SH2D5: variants seen among roughly 807,000 people sequenced by gnomAD.
The protein encoded by SH2D5 is SH2 domain-containing protein 5.
Under a neutral mutation model 48.2 loss-of-function variants are expected in SH2D5, and 45 were observed. That is an observed-to-expected ratio of 0.93 (90% CI 0.73 to 1.20). SH2D5 has a LOEUF of 1.20. Among genes scored for constraint, SH2D5 ranks in the 50% most tolerant of loss-of-function variants. The pLI is 0.00. For missense variants in SH2D5, 538 were observed against 584.1 expected (o/e 0.92, Z 0.81); for synonymous variants, 230 against 249.8 (o/e 0.92, Z 0.75).
At chr1:20,727,889 C>G in intron 2 of SH2D5, 69 bp downstream of exon 2, 1 of 1,259,758 alleles carries the variant, frequency 7.9e-7, no homozygotes, top group East Asian at 2.5e-5. Context: ...GCAGCACTTC[C>G]CAATCACCAG....
intron 5 of SH2D5, among the ~76,000 whole-genome samples, chr1:20,725,095 C>T (rs2054769712): frequency 6.6e-6 from 1 of 152,242 alleles, no homozygotes; most frequent in Non-Finnish European, 1.5e-5. Context: ...CTCATCCCCA[C>T]CTCCCTGTGC....
At chr1:20,727,154 CA>C in intron 3 of SH2D5, 79 bp from the exon 4 acceptor site, 1 of 1,272,692 alleles carries the variant, frequency 7.9e-7, no homozygotes, top group Non-Finnish European at 1.1e-6. Context: ...GACCATCCAC[CA>C]AAGGCTGGTC....
In SH2D5 at chr1:20,729,490, G is replaced by A. The variant is rs770425149; in HGVS notation, c.-42-1404C>T. 2.0e-5 allele frequency among the ~76,000 whole-genome samples: 3 copies of A among 152,174 alleles called. No homozygotes were observed. The highest frequency in any genetic ancestry group is 2.9e-5 in the Non-Finnish European group (2 of 68,022). The stretch of plus-strand genomic sequence containing the variant: ...ATGGGGACAGAATGGAGGAGGCAGC[G>A]CCCAGCCCGACGCCAGCCAGGCTTG... On this transcript the variant is annotated intron_variant, in intron 1 of 9. Coordinates refer to ENST00000444387, the MANE Select transcript of SH2D5 (RefSeq NM_001103161.2). This position sits in a 1 kb window ranked among gnomAD's most constrained non-coding sequence, Gnocchi z 4.2.
At chr1:20,726,136 A>G in intron 4 of SH2D5, 70 bp from the exon 5 acceptor site, 1 of 1,493,974 alleles carries the variant, frequency 6.7e-7, no homozygotes, top group Non-Finnish European at 9.0e-7. Flanking sequence ...GCCAGCCTGC[A>G]GGGGTGAAGA....
At chr1:20,723,866 G>A (rs889940018) in intron 7 of SH2D5, 132 bp from the exon 8 acceptor site, 3 of 972,280 alleles carry the variant, frequency 3.1e-6, no homozygotes, top group African/African-American at 3.3e-5. Flanking sequence ...ATCTGCACAC[G>A]GGCCTTCCGC....
chr1:20,728,424 T>G lies in SH2D5; in HGVS notation c.-42-338A>C, dbSNP rs1359643702. Among the ~76,000 whole-genome samples the G allele has an allele frequency of 3.3e-5, 5 of 151,888 alleles. No individual in the cohort carries two copies. The highest frequency in any genetic ancestry group is 7.4e-5 in the Non-Finnish European group (5 of 67,956). On this transcript the variant is annotated intron_variant, in intron 1 of 9. Coordinates refer to ENST00000444387, the MANE Select transcript of SH2D5 (RefSeq NM_001103161.2). The surrounding 1 kb of genome is among the most constrained non-coding windows in gnomAD (Gnocchi z 4.3). Reference sequence around the variant, plus strand: ...CCTCACTGAGGAGGGGAGGTCTGGGTCAAGATCTGAAGGGTGTGGCGGTAC... The same window carrying G: ...CCTCACTGAGGAGGGGAGGTCTGGGGCAAGATCTGAAGGGTGTGGCGGTAC...
chr1:20,722,614 G>C (rs2054708282), intron 9 of SH2D5, 142 bp downstream of exon 9: 1 of 864,406 alleles, frequency 1.2e-6, no homozygotes, highest in Admixed American at 3.4e-5. Flanking sequence ...GAGGGGCGAG[G>C]CCAGGGAGAG....
intron 9 of SH2D5, 94 bp downstream of exon 9, chr1:20,722,662 G>T: frequency 7.9e-7 from 1 of 1,266,074 alleles, no homozygotes; most frequent in Non-Finnish European, 1.0e-6. Context: ...GCACATTCAG[G>T]ACCTCAGCAG....
At chr1:20,723,813 G>T (rs1006515645) in intron 7 of SH2D5, 79 bp from the exon 8 acceptor site, 10 of 1,232,692 alleles carry the variant, frequency 8.1e-6, no homozygotes, top group Non-Finnish European at 1.2e-5. Context: ...CATCACCCAG[G>T]GTGGTGTCCT....
intron 2 of SH2D5, 62 bp downstream of exon 2, chr1:20,727,896 C>G: frequency 7.7e-7 from 1 of 1,302,624 alleles, no homozygotes; most frequent in East Asian, 2.5e-5. Flanking sequence ...TTCCCAATCA[C>G]CAGCGCCTGC....
rs754290152 is a variant in SH2D5, at chr1:20,722,755, C to A, written c.1068+1G>T. 6 of 1,492,296 alleles carry A rather than the reference C, an allele frequency of 4.0e-6. No individual in the cohort carries two copies. In the Admixed American group the frequency reaches 6.4e-5, roughly 16 times the overall value. The allele number at this position is 1,492,296 out of a possible 1,614,324, so 92.4% of individuals were successfully genotyped here. A position where few individuals can be genotyped will look rare whatever the true frequency, so the allele number is the denominator to read the frequency against. On this transcript the variant is annotated splice_donor_variant, in intron 9 of 9. Coordinates refer to ENST00000444387, the MANE Select transcript of SH2D5 (RefSeq NM_001103161.2). LOFTEE classifies it high-confidence loss of function. Reference sequence around the variant, plus strand: ...GGCCCCTCTGGCTGCTGCGCTCTTACCTCCAAGCAGTAGCGGCCCAGGTGG... The same window carrying A: ...GGCCCCTCTGGCTGCTGCGCTCTTAACTCCAAGCAGTAGCGGCCCAGGTGG...
chr1:20,725,696 C>CGT (rs1557617440), intron 5 of SH2D5, among the ~76,000 whole-genome samples: 2 of 152,224 alleles, frequency 1.3e-5, no homozygotes, highest in Non-Finnish European at 2.9e-5. Flanking sequence ...TCTCTAAGCG[C>CGT]GTGGCCAGAT....
At chr1:20,727,127 G>A (rs1417281296) in intron 3 of SH2D5, 52 bp from the exon 4 acceptor site, 3 of 1,490,172 alleles carry the variant, frequency 2.0e-6, no homozygotes, top group Non-Finnish European at 2.8e-6. Flanking sequence ...ACCCTGCCTT[G>A]GCCTGCCCAG....
intron 1 of SH2D5, among the ~76,000 whole-genome samples, chr1:20,730,001 T>C (rs1347733249): frequency 6.6e-6 from 1 of 152,236 alleles, no homozygotes; most frequent in Non-Finnish European, 1.5e-5. Context: ...CAAAGTTACA[T>C]GTGCAACCGG....
chr1:20,730,743 G>C (rs1180189300), intron 1 of SH2D5: 1 of 152,492 alleles, frequency 6.6e-6, no homozygotes, highest in Non-Finnish European at 1.5e-5. Context: ...CTTTGGGGCA[G>C]ACCTGCTTTT....
At position 20,727,587 on chromosome 1, in the gene SH2D5, G is replaced by T. The variant is rs776041908; in HGVS notation, c.104C>A (p.Pro35His). The change falls in exon 3 of 10, where the codon CCT (proline) becomes CAT (histidine). Residue 35 changes from proline to histidine, a missense_variant. Transcript: ENST00000444387. ...TKFAQYVGSF[P>H]VDDLDTQESV... is the part of the protein sequence containing the mutation. ...CTCCTGGGTGTCCAGGTCATCCACA[G>T]GGAAGGAGCCCACGTACTGCTCGGC... 1.1e-5 allele frequency: 18 copies of T among 1,610,192 alleles called. No individual in the cohort carries two copies. Among genetic ancestry groups the T allele is most frequent in the Non-Finnish European group, 1.3e-5 (15 of 1,178,870 alleles).
chr1:20,727,447 T>G, intron 3 of SH2D5, 76 bp downstream of exon 3: 1 of 1,323,824 alleles, frequency 7.6e-7, no homozygotes, highest in Non-Finnish European at 1.1e-6. Context: ...GTGGGGAGAG[T>G]GGATCTGGTC....
intron 3 of SH2D5, 83 bp from the exon 4 acceptor site, chr1:20,727,158 G>T: frequency 2.4e-6 from 3 of 1,239,132 alleles, no homozygotes; most frequent in Non-Finnish European, 3.4e-6. Context: ...ATCCACCAAA[G>T]GCTGGTCAGC....
At position 20,728,868 on chromosome 1, in the gene SH2D5, A is replaced by G. The variant is rs1477842803; in HGVS notation, c.-42-782T>C. 2.6e-5 allele frequency among the ~76,000 whole-genome samples: 4 copies of G among 152,192 alleles called. No individual in the cohort carries two copies. The highest frequency in any genetic ancestry group is 5.9e-5 in the Non-Finnish European group (4 of 68,016). ...GCTGATGAGGCCAGGGACCTGCTGCATGGGACCCTGCCTCACTCAGCCCAA... is the reference window on the plus strand; with the variant it reads ...GCTGATGAGGCCAGGGACCTGCTGCGTGGGACCCTGCCTCACTCAGCCCAA... On this transcript the variant is annotated intron_variant, in intron 1 of 9. Coordinates refer to ENST00000444387, the MANE Select transcript of SH2D5 (RefSeq NM_001103161.2). This position sits in a 1 kb window ranked among gnomAD's most constrained non-coding sequence, Gnocchi z 4.3.
Sources: allele counts gnomAD v4.1 joint callset (sites outside exome capture counted in the v4.1 genomes callset), GRCh38; gene constraint gnomAD v4.1.1; non-coding constraint Gnocchi (gnomAD v3.1); transcripts MANE v1.5; gene names NCBI Gene and HGNC (gene_info 2026-07-23, HGNC 2026-07-21).